Variants in CAMTA1 observed in about 807,000 individuals in gnomAD.
CAMTA1 encodes calmodulin-binding transcription activator 1.
Under a neutral mutation model 170.9 loss-of-function variants are expected in CAMTA1, and 27 were observed. The observed-to-expected ratio is 0.16, with a 90% CI of 0.12 to 0.22. The LOEUF (loss-of-function observed/expected upper bound fraction) is 0.22, where lower values mean the gene tolerates loss of function less well. Among genes scored for constraint, CAMTA1 ranks in the 10% least tolerant of loss-of-function variants. The pLI, the probability that CAMTA1 is intolerant of heterozygous loss-of-function variation, is 1.00. For missense variants in CAMTA1, 1,619 were observed against 2,217.2 expected (o/e 0.73, Z 5.42); for synonymous variants, 833 against 891.5 (o/e 0.93, Z 1.17).
chr1:7,556,311 C>A (rs2094876420), intron 6 of CAMTA1, among the ~76,000 whole-genome samples: 1 of 152,060 alleles, frequency 6.6e-6, no homozygotes, highest in South Asian at 2.1e-4. Context: ...GGTTCCCAGG[C>A]CAGTCCTTTG....
intron 3 of CAMTA1, among the ~76,000 whole-genome samples, chr1:6,986,039 C>T (rs369092197): frequency 3.3e-5 from 5 of 152,330 alleles, no homozygotes; most frequent in African/African-American, 1.2e-4. Context: ...CACTTTAAGA[C>T]TTTTACAAGG....
At chr1:7,247,099 C>G (rs1037444171) in intron 4 of CAMTA1, among the ~76,000 whole-genome samples, 1 of 152,226 alleles carries the variant, frequency 6.6e-6, no homozygotes, top group Non-Finnish European at 1.5e-5. Flanking sequence ...CGAACAAGTT[C>G]TAATAAAATC....
In CAMTA1 at chr1:6,910,021, C is replaced by T. The variant is rs141013481; in HGVS notation, c.234+84811C>T. On this transcript the variant is annotated intron_variant, in intron 3 of 22. Transcript: ENST00000303635. ...GTCACCAATCCTGAAAATCAGTTGGCCTTTCTCACAATGTGCCATTGTGGA... is the reference window on the plus strand; with the variant it reads ...GTCACCAATCCTGAAAATCAGTTGGTCTTTCTCACAATGTGCCATTGTGGA... Among the ~76,000 whole-genome samples the T allele has an allele frequency of 1.6e-3, 240 of 152,320 alleles. 1 individual carries two copies. The highest frequency in any genetic ancestry group is 5.1e-3 in the African/African-American group (214 of 41,562).
chr1:7,305,690 AT>A (rs1392492904), intron 5 of CAMTA1, among the ~76,000 whole-genome samples: 7 of 151,264 alleles, frequency 4.6e-5, no homozygotes, highest in Non-Finnish European at 7.4e-5. Context: ...TTCTACAAAT[AT>A]TTATATATAG....
chr1:6,875,505 G>A (rs1379789429), intron 3 of CAMTA1, among the ~76,000 whole-genome samples: 2 of 152,088 alleles, frequency 1.3e-5, no homozygotes, highest in Non-Finnish European at 2.9e-5. Context: ...GGCTGGTCTC[G>A]AACTTTCCTG....
intron 4 of CAMTA1, among the ~76,000 whole-genome samples, chr1:7,149,484 C>G (rs1008870611): frequency 2.0e-5 from 3 of 152,226 alleles, no homozygotes; most frequent in Non-Finnish European, 2.9e-5. Context: ...TCGGCTCAGG[C>G]TGGTAGTCTG....
chr1:6,984,381 G>A (rs1695016470), intron 3 of CAMTA1, among the ~76,000 whole-genome samples: 1 of 152,110 alleles, frequency 6.6e-6, no homozygotes, highest in Non-Finnish European at 1.5e-5. Flanking sequence ...GGGAGGCTGA[G>A]GTGGGCAGAT....
chr1:7,531,392 G>A (rs1405501113), intron 6 of CAMTA1, among the ~76,000 whole-genome samples: 2 of 152,198 alleles, frequency 1.3e-5, no homozygotes, highest in Non-Finnish European at 2.9e-5. Flanking sequence ...GGGGTTCCAT[G>A]AGCAAATGCA....
At chr1:7,494,017 G>A (rs1448618341) in intron 6 of CAMTA1, among the ~76,000 whole-genome samples, 1 of 152,122 alleles carries the variant, frequency 6.6e-6, no homozygotes, top group Non-Finnish European at 1.5e-5. Context: ...TAGGATGGTT[G>A]CCACTCCCCC....
intron 4 of CAMTA1, among the ~76,000 whole-genome samples, chr1:7,185,641 A>C (rs368985121): frequency 1.2e-4 from 18 of 152,336 alleles, no homozygotes; most frequent in African/African-American, 4.3e-4. Flanking sequence ...ACCTGAATCA[A>C]GTGATCAAAA....
At chr1:7,567,135 C>T (rs1004362298) in intron 6 of CAMTA1, among the ~76,000 whole-genome samples, 12 of 152,174 alleles carry the variant, frequency 7.9e-5, no homozygotes, top group Non-Finnish European at 1.6e-4. Flanking sequence ...GGTCCGTTCC[C>T]GGAATGTGGT....
chr1:7,141,935 G>A (rs1645913264), intron 4 of CAMTA1, among the ~76,000 whole-genome samples: 1 of 152,184 alleles, frequency 6.6e-6, no homozygotes. Flanking sequence ...TGGTAGAGAA[G>A]GGCCTCAGTT....
chr1:7,257,948 G>A (rs1282633195), intron 5 of CAMTA1, among the ~76,000 whole-genome samples: 1 of 152,196 alleles, frequency 6.6e-6, no homozygotes, highest in Non-Finnish European at 1.5e-5. Flanking sequence ...ATAAAAGGCA[G>A]GAAGGACACT....
chr1:7,668,790 C>A (rs989753217), intron 9 of CAMTA1, among the ~76,000 whole-genome samples: 1 of 152,146 alleles, frequency 6.6e-6, no homozygotes, highest in Non-Finnish European at 1.5e-5. Flanking sequence ...GGCAGCAGCC[C>A]CAGCCTCATG....
chr1:7,516,888 C>G (rs763984370), intron 6 of CAMTA1, among the ~76,000 whole-genome samples: 8 of 152,144 alleles, frequency 5.3e-5, no homozygotes, highest in Non-Finnish European at 1.2e-4. Context: ...GGGCATAGCT[C>G]TATTGTTATT....
At chr1:7,243,483 G>C (rs959333620) in intron 4 of CAMTA1, among the ~76,000 whole-genome samples, 2 of 152,162 alleles carry the variant, frequency 1.3e-5, no homozygotes, top group African/African-American at 4.8e-5. Flanking sequence ...ATTAAATAGG[G>C]AATCATTTCC....
Position 7,251,095 on chromosome 1 carries a change from G to A in CAMTA1, c.438+1469G>A, listed in dbSNP as rs139666985. The stretch of plus-strand genomic sequence containing the variant: ...CTCGCACCGGGAGTAATAGGGCTGC[G>A]GGAATTCAAACTGGAAGTCACGGCA... On this transcript the variant is annotated intron_variant, in intron 5 of 22. Transcript: ENST00000303635. This position sits in a 1 kb window ranked among gnomAD's most constrained non-coding sequence, Gnocchi z 5.1. Among the ~76,000 whole-genome samples the A allele has an allele frequency of 6.6e-6, 1 of 152,166 alleles. No individual in the cohort carries two copies. Among genetic ancestry groups the A allele is most frequent in the Non-Finnish European group, 1.5e-5 (1 of 68,032 alleles).
chr1:7,364,346 C>G (rs933009824), intron 5 of CAMTA1, among the ~76,000 whole-genome samples: 3 of 152,146 alleles, frequency 2.0e-5, no homozygotes, highest in Non-Finnish European at 4.4e-5. Context: ...GATCAAGACA[C>G]CAGCAGATTT....
intron 5 of CAMTA1, among the ~76,000 whole-genome samples, chr1:7,412,243 G>C (rs1021335240): frequency 5.5e-4 from 83 of 152,224 alleles, no homozygotes; most frequent in Non-Finnish European, 7.8e-4. Flanking sequence ...CTTTATAGCA[G>C]CATGATTTAT....
Sources: allele counts gnomAD v4.1 joint callset (sites outside exome capture counted in the v4.1 genomes callset), GRCh38; gene constraint gnomAD v4.1.1; non-coding constraint Gnocchi (gnomAD v3.1); transcripts MANE v1.5; gene names NCBI Gene and HGNC (gene_info 2026-07-23, HGNC 2026-07-21).